Variants in CCDC178 observed in about 807,000 individuals in gnomAD.
CCDC178 encodes coiled-coil domain containing 178.
CCDC178 carries 126 observed loss-of-function variants against 117.4 expected under a neutral mutation model. The ratio of observed to expected loss-of-function variants is 1.07; its 90% CI spans 0.93 to 1.24. The LOEUF (loss-of-function observed/expected upper bound fraction) is 1.24, where lower values mean the gene tolerates loss of function less well. Among genes scored for constraint, CCDC178 ranks in the 50% most tolerant of loss-of-function variants. The pLI is 0.00. For synonymous variants in CCDC178, 283 were observed against 313.4 expected, an observed-to-expected ratio of 0.90 and a Z score of 1.02; for missense variants, 1,030 against 986.9, an observed-to-expected ratio of 1.04 and a Z score of -0.59.
chr18:33,241,213 T>C (rs891511292), intron 15 of CCDC178, among the ~76,000 whole-genome samples: 1 of 151,818 alleles, frequency 6.6e-6, no homozygotes, highest in South Asian at 2.1e-4. Flanking sequence ...ATAAGGTCCA[T>C]ATATGACAAA....
At chr18:33,369,902 A>G (rs2063272767) in intron 6 of CCDC178, 148 bp downstream of exon 6, 1 of 592,738 alleles carries the variant, frequency 1.7e-6, no homozygotes, top group South Asian at 3.1e-5. Flanking sequence ...TGTCTAGACT[A>G]GTAAATGATG....
intron 14 of CCDC178, among the ~76,000 whole-genome samples, chr18:33,250,156 G>A (rs914678585): frequency 6.6e-6 from 1 of 151,678 alleles, no homozygotes; most frequent in East Asian, 1.9e-4. Context: ...AAATGAATGA[G>A]AAATGTCAAC....
chr18:33,115,900 T>C lies in CCDC178; in HGVS notation c.2239-22990A>G, dbSNP rs181303449. 1.4e-3 allele frequency among the ~76,000 whole-genome samples: 206 copies of C among 152,258 alleles called. 1 individual carries two copies. The highest frequency in any genetic ancestry group is 2.2e-3 in the Non-Finnish European group (153 of 68,006). On this transcript the variant is annotated intron_variant, in intron 20 of 22. Coordinates refer to ENST00000383096, the MANE Select transcript of CCDC178 (RefSeq NM_001105528.4). Reference sequence around the variant, plus strand: ...GTTACAGTATACATGATGACTCTTTTATTGCAAATTAGATTATTTTAATTC... The same window carrying C: ...GTTACAGTATACATGATGACTCTTTCATTGCAAATTAGATTATTTTAATTC...
chr18:33,003,750 G>A (rs2055691887), intron 21 of CCDC178, among the ~76,000 whole-genome samples: 1 of 152,064 alleles, frequency 6.6e-6, no homozygotes, highest in African/African-American at 2.4e-5. Context: ...GTTCTCATTT[G>A]CAGATAATAT....
At chr18:33,198,564 A>G (rs2058959604) in intron 20 of CCDC178, among the ~76,000 whole-genome samples, 1 of 152,200 alleles carries the variant, frequency 6.6e-6, no homozygotes, top group Non-Finnish European at 1.5e-5. Flanking sequence ...TTTTAATTAT[A>G]TGAACAACCA....
chr18:33,427,045 A>C (rs2064134384), intron 2 of CCDC178, among the ~76,000 whole-genome samples: 1 of 152,174 alleles, frequency 6.6e-6, no homozygotes. Flanking sequence ...CATATTTTAT[A>C]ATAAACTATA....
At chr18:33,432,491 AC>A (rs1372094387) in intron 2 of CCDC178, among the ~76,000 whole-genome samples, 15 of 147,878 alleles carry the variant, frequency 1.0e-4, no homozygotes, top group African/African-American at 3.6e-4. Flanking sequence ...ACACACACAC[AC>A]ACACACACAC....
chr18:33,333,188 TA>T lies in CCDC178; in HGVS notation c.864del (p.Tyr288Ter). The T allele has an allele frequency of 1.3e-6, 2 of 1,587,602 alleles. No homozygotes were observed. The highest frequency in any genetic ancestry group is 1.7e-6 in the Non-Finnish European group (2 of 1,166,348). ...CGTTTATTTACCTCCATTTTTTTTT[TA>T]TAATGGTTCTTCAGATCTTGAAGTT... ...NQELQDLKNH[Y>X]KKKMEVMDLH... On this transcript the variant is annotated frameshift_variant, in exon 10 of 23. Coordinates refer to ENST00000383096, the MANE Select transcript of CCDC178 (RefSeq NM_001105528.4). LOFTEE classifies it high-confidence loss of function.
intron 12 of CCDC178, among the ~76,000 whole-genome samples, chr18:33,282,412 G>C (rs988502306): frequency 1.3e-5 from 2 of 152,198 alleles, no homozygotes; most frequent in African/African-American, 2.4e-5. Context: ...GGGAACTGTC[G>C]GTCCTGATCT....
chr18:33,387,401 A>G (rs112532329), intron 5 of CCDC178, among the ~76,000 whole-genome samples: 2 of 152,292 alleles, frequency 1.3e-5, no homozygotes, highest in African/African-American at 4.8e-5. Context: ...CATAGCCAAG[A>G]CAATCCTAAG....
chr18:33,201,078 T>A (rs1168065481), intron 20 of CCDC178, among the ~76,000 whole-genome samples: 2 of 152,192 alleles, frequency 1.3e-5, no homozygotes, highest in Non-Finnish European at 2.9e-5. Flanking sequence ...GTCCTAGACA[T>A]TGTGACAGAC....
chr18:32,997,707 C>A (rs567438971), intron 21 of CCDC178, among the ~76,000 whole-genome samples: 2 of 151,664 alleles, frequency 1.3e-5, no homozygotes, highest in Non-Finnish European at 2.9e-5. Flanking sequence ...TCTATCTATT[C>A]GTCTATCTAT....
intron 21 of CCDC178, among the ~76,000 whole-genome samples, chr18:33,081,509 G>A (rs148386846): frequency 1.3e-5 from 2 of 152,122 alleles, no homozygotes; most frequent in Non-Finnish European, 2.9e-5. Flanking sequence ...AAAGATTGCT[G>A]TAGCTTGCTT....
At chr18:33,374,271 C>G (rs1054377988) in intron 5 of CCDC178, among the ~76,000 whole-genome samples, 1 of 152,148 alleles carries the variant, frequency 6.6e-6, no homozygotes, top group African/African-American at 2.4e-5. Context: ...ATAACTTCTA[C>G]CCAGAATGTG....
chr18:33,428,762 A>T (rs375528133), intron 2 of CCDC178, among the ~76,000 whole-genome samples: 129 of 150,446 alleles, frequency 8.6e-4, no homozygotes, highest in South Asian at 2.7e-3. Context: ...AAGAGAAAAG[A>T]AAAAAAGAAT....
intron 2 of CCDC178, among the ~76,000 whole-genome samples, chr18:33,438,763 G>T (rs2144996711): frequency 6.6e-6 from 1 of 152,102 alleles, no homozygotes; most frequent in African/African-American, 2.4e-5. Context: ...TATTCCAGTT[G>T]CTTAATCTTT....
intron 21 of CCDC178, among the ~76,000 whole-genome samples, chr18:33,038,039 G>C (rs1423031903): frequency 6.6e-6 from 1 of 151,844 alleles, no homozygotes; most frequent in African/African-American, 2.4e-5. Flanking sequence ...TGGAGAATTA[G>C]ATTGATCAGA....
At chr18:33,193,671 T>C (rs2058890299) in intron 20 of CCDC178, among the ~76,000 whole-genome samples, 1 of 152,236 alleles carries the variant, frequency 6.6e-6, no homozygotes, top group South Asian at 2.1e-4. Flanking sequence ...TTAATGTCAC[T>C]ACCAAATATA....
At chr18:33,379,398 G>A (rs951469855) in intron 5 of CCDC178, among the ~76,000 whole-genome samples, 36 of 151,918 alleles carry the variant, frequency 2.4e-4, no homozygotes, top group African/African-American at 8.7e-4. Context: ...AGCCAGCTGT[G>A]GCCAACGTTG....
Sources: gnomAD v4.1 joint callset for allele counts (sites outside exome capture counted in the v4.1 genomes callset) on GRCh38, gnomAD v4.1.1 for gene constraint, MANE v1.5 for transcripts, NCBI Gene and HGNC (gene_info 2026-07-23, HGNC 2026-07-21) for gene names.